PELI2: variants seen among roughly 807,000 people sequenced by gnomAD.
PELI2 encodes E3 ubiquitin-protein ligase pellino homolog 2.
In PELI2, 23 loss-of-function variants were observed where a neutral mutation model predicts 42.3. The ratio of observed to expected loss-of-function variants is 0.54; its 90% CI spans 0.39 to 0.77. The LOEUF is 0.77. Among genes scored for constraint, PELI2 ranks in the 30% least tolerant of loss-of-function variants. The pLI, the probability that PELI2 is intolerant of heterozygous loss-of-function variation, is 0.00. For synonymous variants in PELI2, 245 were observed against 212.2 expected (o/e 1.15, Z -1.34); for missense variants, 463 against 553.2 (o/e 0.84, Z 1.64).
chr14:56,137,159 G>C (rs183795461), intron 1 of PELI2, among the ~76,000 whole-genome samples: 1 of 151,558 alleles, frequency 6.6e-6, no homozygotes, highest in Non-Finnish European at 1.5e-5. Flanking sequence ...ACCTCTTTCA[G>C]AAAGTTTTAT....
chr14:56,212,132 A>G (rs530722897), intron 2 of PELI2, among the ~76,000 whole-genome samples: 149 of 152,332 alleles, frequency 9.8e-4, no homozygotes, highest in African/African-American at 3.4e-3. Context: ...GCTGGGGGAA[A>G]AATAGGACAG....
rs3783682 is a variant in PELI2 at position 56,273,836 on chromosome 14, C to T, written c.208-5840C>T. ...ACACTGCAAGTGACAAAATGCCTAACGAAAAGCAGCCTAAAACCCTGATTT... is the reference window on the plus strand; with the variant it reads ...ACACTGCAAGTGACAAAATGCCTAATGAAAAGCAGCCTAAAACCCTGATTT... On this transcript the variant is annotated intron_variant, in intron 2 of 5. Coordinates refer to ENST00000267460, the MANE Select transcript of PELI2 (RefSeq NM_021255.3). The surrounding 1 kb of genome is among the most constrained non-coding windows in gnomAD (Gnocchi z 4.3). 1.3e-5 allele frequency among the ~76,000 whole-genome samples: 2 copies of T among 152,222 alleles called. No individual in the cohort carries two copies. Among genetic ancestry groups the T allele is most frequent in the South Asian group, 2.1e-4 (1 of 4,826 alleles).
At chr14:56,235,712 G>T (rs1466589674) in intron 2 of PELI2, among the ~76,000 whole-genome samples, 4 of 152,200 alleles carry the variant, frequency 2.6e-5, no homozygotes, top group Non-Finnish European at 5.9e-5. Flanking sequence ...TTTATAGAAG[G>T]ATGGAAGATG....
chr14:56,160,762 T>C (rs1884730033), intron 1 of PELI2, among the ~76,000 whole-genome samples: 1 of 152,194 alleles, frequency 6.6e-6, no homozygotes, highest in Non-Finnish European at 1.5e-5. Flanking sequence ...TGATACTGAA[T>C]TGAAATGTTT....
At chr14:56,152,733 T>C (rs557290692) in intron 1 of PELI2, among the ~76,000 whole-genome samples, 6 of 152,242 alleles carry the variant, frequency 3.9e-5, no homozygotes, top group Non-Finnish European at 5.9e-5. Context: ...GTAAACATTC[T>C]ATTTATAACC....
chr14:56,199,261 C>T (rs1886247340), intron 2 of PELI2, among the ~76,000 whole-genome samples: 1 of 152,192 alleles, frequency 6.6e-6, no homozygotes, highest in Non-Finnish European at 1.5e-5. Flanking sequence ...AGTGTCTCCA[C>T]ATGCCCATAT....
intron 2 of PELI2, among the ~76,000 whole-genome samples, chr14:56,182,023 T>C (rs1484326363): frequency 6.6e-6 from 1 of 152,082 alleles, no homozygotes; most frequent in Non-Finnish European, 1.5e-5. Context: ...GATATTCTGC[T>C]GTGAACAAAC....
chr14:56,226,571 G>A lies in PELI2; in HGVS notation c.207+48107G>A, dbSNP rs574669846. 1.8e-4 allele frequency among the ~76,000 whole-genome samples: 27 copies of A among 152,212 alleles called. No individual in the cohort carries two copies. The South Asian group carries it at 5.2e-3, about 29-fold the overall frequency. ...TAAGTATCCCTCAAATTGTATTGAT[G>A]GGCATGTGTTTGCACAACAATTACT... On this transcript the variant is annotated intron_variant, in intron 2 of 5. Transcript: ENST00000267460.
rs893970605 is a variant in PELI2 at position 56,119,772 on chromosome 14, T to G, written c.77+1035T>G. The G allele has an allele frequency of 3.1e-6, 3 of 980,330 alleles. No individual in the cohort carries two copies. The African/African-American group carries it at 5.3e-5, about 17-fold the overall frequency. 60.7% of individuals were successfully genotyped at this position (980,330 alleles called of 1,614,324 possible). The stretch of plus-strand genomic sequence containing the variant: ...GGGTTTAGTGTTGAAGAAAGGATTA[T>G]TTTTTCCTTTGGATGTGTCGCTCTG... On this transcript the variant is annotated intron_variant, in intron 1 of 5. Transcript: ENST00000267460.
chr14:56,236,250 G>A (rs1042812674), intron 2 of PELI2, among the ~76,000 whole-genome samples: 1 of 152,154 alleles, frequency 6.6e-6, no homozygotes, highest in African/African-American at 2.4e-5. Flanking sequence ...GTATATACTG[G>A]TACCCACATA....
At chr14:56,147,530 A>C (rs1884173311) in intron 1 of PELI2, among the ~76,000 whole-genome samples, 1 of 152,208 alleles carries the variant, frequency 6.6e-6, no homozygotes, top group Admixed American at 6.5e-5. Flanking sequence ...ACCAGCACCA[A>C]ATTGCATAGA....
intron 1 of PELI2, among the ~76,000 whole-genome samples, chr14:56,164,354 A>T (rs949777636): frequency 1.3e-5 from 2 of 152,086 alleles, no homozygotes; most frequent in Non-Finnish European, 2.9e-5. Flanking sequence ...ATTGATTTGC[A>T]TATGTTGAAC....
At chr14:56,235,758 A>G (rs1286977263) in intron 2 of PELI2, among the ~76,000 whole-genome samples, 2 of 152,224 alleles carry the variant, frequency 1.3e-5, no homozygotes, top group Non-Finnish European at 2.9e-5. Context: ...TCCAATACAT[A>G]AGCATGTATC....
chr14:56,253,808 C>A (rs1406118587), intron 2 of PELI2, among the ~76,000 whole-genome samples: 1 of 152,078 alleles, frequency 6.6e-6, no homozygotes, highest in Non-Finnish European at 1.5e-5. Flanking sequence ...ATCAAGCTAC[C>A]AGTGACTTTC....
At chr14:56,149,211 G>A (rs1300887162) in intron 1 of PELI2, among the ~76,000 whole-genome samples, 5 of 152,168 alleles carry the variant, frequency 3.3e-5, no homozygotes, top group Admixed American at 6.5e-5. Flanking sequence ...AAATTGAAAC[G>A]AGTTGTGAAG....
At chr14:56,139,505 T>C (rs145488038) in intron 1 of PELI2, among the ~76,000 whole-genome samples, 28 of 152,320 alleles carry the variant, frequency 1.8e-4, no homozygotes, top group African/African-American at 6.7e-4. Flanking sequence ...TGCTGCTTAT[T>C]ATTGTTTACT....
intron 3 of PELI2, among the ~76,000 whole-genome samples, chr14:56,286,601 A>G (rs1005528365): frequency 6.6e-6 from 1 of 152,240 alleles, no homozygotes; most frequent in African/African-American, 2.4e-5. Context: ...ATGAAATTCA[A>G]AAGCATCTTG....
intron 1 of PELI2, among the ~76,000 whole-genome samples, chr14:56,138,823 A>G (rs1328493356): frequency 1.3e-5 from 2 of 152,194 alleles, no homozygotes; most frequent in Non-Finnish European, 2.9e-5. Context: ...TGAAGTCTCA[A>G]TAGTGTGATT....
intron 2 of PELI2, among the ~76,000 whole-genome samples, chr14:56,224,592 CT>C (rs1289160121): frequency 6.6e-6 from 1 of 152,212 alleles, no homozygotes; most frequent in East Asian, 1.9e-4. Context: ...CTTTTAGAAA[CT>C]GAGCTCACAG....
Sources: allele counts gnomAD v4.1 joint callset (sites outside exome capture counted in the v4.1 genomes callset), GRCh38; gene constraint gnomAD v4.1.1; non-coding constraint Gnocchi (gnomAD v3.1); transcripts MANE v1.5; gene names NCBI Gene and HGNC (gene_info 2026-07-23, HGNC 2026-07-21).